Variants in CPLX2 observed in about 807,000 individuals in gnomAD.
The protein encoded by CPLX2 is complexin-2.
In CPLX2, 5 loss-of-function variants were observed where a neutral mutation model predicts 16.3. That is an observed-to-expected ratio of 0.31 (90% CI 0.16 to 0.64). CPLX2 has a LOEUF of 0.64. Among genes scored for constraint, CPLX2 ranks in the 30% least tolerant of loss-of-function variants. The probability of loss-of-function intolerance (pLI) is 0.79; values close to 1 mark genes in which losing one functional copy is unlikely to be tolerated. For synonymous variants in CPLX2, 89 were observed against 73.2 expected (o/e 1.22, Z -1.10); for missense variants, 144 against 181.4 (o/e 0.79, Z 1.18).
At chr5:175,842,690 C>A (rs1217478168) in intron 2 of CPLX2, among the ~76,000 whole-genome samples, 1 of 152,236 alleles carries the variant, frequency 6.6e-6, no homozygotes, top group African/African-American at 2.4e-5. Flanking sequence ...CCCTTCTCAC[C>A]CACCTGCACT....
intron 2 of CPLX2, among the ~76,000 whole-genome samples, chr5:175,860,546 TAGAA>T (rs1419899833): frequency 1.8e-4 from 9 of 50,262 alleles, no homozygotes; most frequent in South Asian, 6.7e-4. Context: ...GAAAGATAGA[TAGAA>T]AGAAAGAAAG....
At chr5:175,870,409 C>A (rs536606377), upstream of CPLX2, among the ~76,000 whole-genome samples, 1 of 152,084 alleles carries the variant, frequency 6.6e-6, no homozygotes, top group African/African-American at 2.4e-5. Context: ...CTCTTGTTGC[C>A]CCTTCCTTGG....
rs1176984409 is a variant in CPLX2 at position 175,860,478 on chromosome 5, GAAGA to G, written c.-88-18155_-88-18152del. Among the ~76,000 whole-genome samples the G allele has an allele frequency of 5.0e-3, 682 of 136,408 alleles. 7 individuals are homozygous for G. Among genetic ancestry groups the G allele is most frequent in the African/African-American group, 0.018 (607 of 34,654 alleles). The allele number at this position is 136,408 out of a possible 152,430, so 89.5% of individuals were successfully genotyped here. ...AGAGAAAGAAAGAGAGAGAGAGAAA[GAAGA>G]AAGAAAGAAAGAAAGAAAAGAAAGA... On this transcript the variant is annotated intron_variant, in intron 2 of 4. Coordinates refer to the CPLX2 transcript ENST00000359546.
At chr5:175,812,002 G>A (rs981959043) in intron 2 of CPLX2, among the ~76,000 whole-genome samples, 1 of 152,268 alleles carries the variant, frequency 6.6e-6, no homozygotes, top group African/African-American at 2.4e-5. Context: ...AATGAGGAGA[G>A]AAGACAGGGT....
At chr5:175,871,998 C>A (rs1231074678) in intron 1 of CPLX2, 3 of 152,270 alleles carry the variant, frequency 2.0e-5, no homozygotes, top group Non-Finnish European at 4.4e-5. Flanking sequence ...CGGGCAGAGC[C>A]CGAACGGCCG....
intron 1 of CPLX2, among the ~76,000 whole-genome samples, chr5:175,873,908 G>C (rs1487796537): frequency 6.6e-6 from 1 of 152,206 alleles, no homozygotes; most frequent in East Asian, 1.9e-4. Context: ...GAGGGTAAGA[G>C]GTTCCAAGGC....
chr5:175,881,491 G>A lies in CPLX2; in HGVS notation c.*1446G>A, dbSNP rs760190201. On this transcript the variant is annotated 3_prime_UTR_variant, in exon 4 of 4. Transcript: ENST00000393745. ...AACAGTGTGTGTATTGGGAGTGATG[G>A]GTATGTGTTAGGTATGTGATGGGTT... is the stretch of plus-strand genomic sequence containing the variant. The A allele has an allele frequency of 6.5e-5, 10 of 153,218 alleles. No homozygotes were observed. The highest frequency in any genetic ancestry group is 1.2e-4 in the Non-Finnish European group (8 of 68,160). 9.5% of individuals were successfully genotyped at this position (153,218 alleles called of 1,614,324 possible). A position where few individuals can be genotyped will look rare whatever the true frequency, so the allele number is the denominator to read the frequency against.
Position 175,832,767 on chromosome 5 carries a change from A to G in CPLX2, c.-89+23699A>G, listed in dbSNP as rs192313931. 1.6e-4 allele frequency among the ~76,000 whole-genome samples: 25 copies of G among 152,326 alleles called. No homozygotes were observed. The East Asian group carries it at 4.4e-3, about 27-fold the overall frequency. Reference sequence around the variant, plus strand: ...GCACCTCTTCCTGAATCTGATGCTCAGACCAAAAGAAGGGAACATGCATGG... The same window carrying G: ...GCACCTCTTCCTGAATCTGATGCTCGGACCAAAAGAAGGGAACATGCATGG... On this transcript the variant is annotated intron_variant, in intron 2 of 4. Transcript: ENST00000359546.
At chr5:175,869,627 T>G (rs1174007535), upstream of CPLX2, among the ~76,000 whole-genome samples, 1 of 152,224 alleles carries the variant, frequency 6.6e-6, no homozygotes, top group Non-Finnish European at 1.5e-5. Flanking sequence ...GAATTATAAA[T>G]TAAGCAGGAA....
chr5:175,821,477 G>A (rs751423113), intron 2 of CPLX2, among the ~76,000 whole-genome samples: 27 of 151,886 alleles, frequency 1.8e-4, no homozygotes, highest in Non-Finnish European at 2.6e-4. Context: ...GCGCGATCTC[G>A]GCTCATTGCA....
intron 2 of CPLX2, among the ~76,000 whole-genome samples, chr5:175,858,940 C>T (rs1424688662): frequency 1.3e-5 from 2 of 152,210 alleles, no homozygotes; most frequent in Admixed American, 6.5e-5. Flanking sequence ...CGAAGGATCA[C>T]TTTCCAGCAT....
At chr5:175,862,861 G>A (rs1404108460) in intron 2 of CPLX2, among the ~76,000 whole-genome samples, 1 of 152,182 alleles carries the variant, frequency 6.6e-6, no homozygotes. Flanking sequence ...GCCACCCATG[G>A]GTCCAAATGA....
At chr5:175,821,759 T>C (rs553100400) in intron 2 of CPLX2, among the ~76,000 whole-genome samples, 1 of 152,334 alleles carries the variant, frequency 6.6e-6, no homozygotes, top group South Asian at 2.1e-4. Context: ...AATATATGTA[T>C]TTTTAAATGC....
At chr5:175,853,776 G>A (rs1312866685) in intron 2 of CPLX2, among the ~76,000 whole-genome samples, 3 of 152,098 alleles carry the variant, frequency 2.0e-5, no homozygotes, top group Non-Finnish European at 4.4e-5. Flanking sequence ...AGATCTCAGG[G>A]GCCTCTGACG....
intron 2 of CPLX2, among the ~76,000 whole-genome samples, chr5:175,827,538 TG>T (rs1413839542): frequency 6.6e-6 from 1 of 152,134 alleles, no homozygotes; most frequent in Non-Finnish European, 1.5e-5. Flanking sequence ...TTGGATCACC[TG>T]AGGTCAGGAG....
At chr5:175,877,627 T>C (rs1450207231) in intron 1 of CPLX2, among the ~76,000 whole-genome samples, 1 of 152,090 alleles carries the variant, frequency 6.6e-6, no homozygotes, top group Non-Finnish European at 1.5e-5. Flanking sequence ...TAAAGAACAG[T>C]GGAACTGAAT....
chr5:175,839,157 G>C (rs1260390633), intron 2 of CPLX2, among the ~76,000 whole-genome samples: 1 of 152,156 alleles, frequency 6.6e-6, no homozygotes, highest in African/African-American at 2.4e-5. Context: ...CTTAGCTCTT[G>C]AGTAGCTGGG....
At chr5:175,879,227 G>A (rs1225589507) in intron 3 of CPLX2, 144 bp downstream of exon 3, 2 of 830,588 alleles carry the variant, frequency 2.4e-6, no homozygotes, top group East Asian at 2.7e-5. Flanking sequence ...CAGCAAAACG[G>A]GTATCACAAG....
intron 1 of CPLX2, among the ~76,000 whole-genome samples, chr5:175,803,698 G>A (rs1008879173): frequency 3.3e-5 from 5 of 152,230 alleles, no homozygotes; most frequent in South Asian, 4.1e-4. Flanking sequence ...GAGGGGTGGC[G>A]TGATCTAAAT....
Sources: allele counts gnomAD v4.1 joint callset (sites outside exome capture counted in the v4.1 genomes callset), GRCh38; gene constraint gnomAD v4.1.1; transcripts MANE v1.5; gene names NCBI Gene and HGNC (gene_info 2026-07-23, HGNC 2026-07-21).